BMPR1B: variants seen among roughly 807,000 people sequenced by gnomAD.
BMPR1B encodes bone morphogenetic protein receptor type-1B.
BMPR1B carries 12 observed loss-of-function variants against 59.1 expected under a neutral mutation model. The ratio of observed to expected loss-of-function variants is 0.20; its 90% CI spans 0.13 to 0.33. BMPR1B has a LOEUF of 0.33. Among genes scored for constraint, BMPR1B ranks in the 10% least tolerant of loss-of-function variants. The pLI is 1.00. For missense variants in BMPR1B, 550 were observed against 610.9 expected (o/e 0.90, Z 1.05); for synonymous variants, 237 against 207.3 (o/e 1.14, Z -1.23).
intron 3 of BMPR1B, among the ~76,000 whole-genome samples, chr4:95,026,073 T>G (rs1724333876): frequency 7.0e-6 from 1 of 143,738 alleles, no homozygotes; most frequent in South Asian, 2.3e-4. Flanking sequence ...ACCACCATGC[T>G]TGGCTGGCTG....
intron 5 of BMPR1B, among the ~76,000 whole-genome samples, chr4:95,115,182 G>T (rs571827098): frequency 1.3e-5 from 2 of 152,044 alleles, no homozygotes; most frequent in Non-Finnish European, 2.9e-5. Context: ...CTAGGTTTGT[G>T]CAAGTGTACT....
chr4:94,955,623 T>G (rs540664769), intron 2 of BMPR1B, among the ~76,000 whole-genome samples: 1 of 134,568 alleles, frequency 7.4e-6, no homozygotes, highest in Admixed American at 7.5e-5. Flanking sequence ...TTACACGTAT[T>G]AGCACATTTA....
intron 2 of BMPR1B, among the ~76,000 whole-genome samples, chr4:94,893,122 T>A (rs941151674): frequency 1.4e-4 from 21 of 152,012 alleles, no homozygotes; most frequent in Admixed American, 1.4e-3. Context: ...GAAAATATAA[T>A]GTGAAATATG....
chr4:94,895,210 C>T (rs1160198767), intron 2 of BMPR1B, among the ~76,000 whole-genome samples: 2 of 151,900 alleles, frequency 1.3e-5, no homozygotes, highest in African/African-American at 4.8e-5. Context: ...AAAAATGTCC[C>T]TCATTGCTTG....
chr4:94,973,596 G>A (rs1357307489), intron 2 of BMPR1B, among the ~76,000 whole-genome samples: 3 of 152,142 alleles, frequency 2.0e-5, no homozygotes, highest in Non-Finnish European at 4.4e-5. Flanking sequence ...ACACAGGATA[G>A]GGCAGGGTGG....
chr4:94,875,975 T>C (rs1337474628), intron 2 of BMPR1B, 75 bp downstream of exon 2: 1 of 152,656 alleles, frequency 6.6e-6, no homozygotes, highest in African/African-American at 2.4e-5. Flanking sequence ...ACTCCGACTT[T>C]GTGGTATGCT....
chr4:94,953,455 G>C (rs1268206079), intron 2 of BMPR1B, among the ~76,000 whole-genome samples: 1 of 152,126 alleles, frequency 6.6e-6, no homozygotes. Context: ...AGGCAGGCCT[G>C]GTAGTGACAA....
At chr4:94,813,061 A>T (rs1424080895) in intron 1 of BMPR1B, among the ~76,000 whole-genome samples, 1 of 151,768 alleles carries the variant, frequency 6.6e-6, no homozygotes, top group Non-Finnish European at 1.5e-5. Flanking sequence ...TTATTAACCA[A>T]TTGGTTTATT....
chr4:94,918,769 T>A (rs532740418), intron 2 of BMPR1B, among the ~76,000 whole-genome samples: 19 of 152,292 alleles, frequency 1.2e-4, no homozygotes, highest in Non-Finnish European at 2.5e-4. Flanking sequence ...GTTAGTTAAT[T>A]CTCTTTAGTG....
chr4:94,997,311 T>C (rs986391273), intron 3 of BMPR1B, among the ~76,000 whole-genome samples: 19 of 152,106 alleles, frequency 1.2e-4, no homozygotes, highest in Non-Finnish European at 2.2e-4. Context: ...CCATTAGAGA[T>C]ATGAGGAAAA....
Position 95,091,561 on chromosome 4 carries a change from GCCT to G in BMPR1B, c.-17-12839_-17-12837del, listed in dbSNP as rs773190480. The stretch of plus-strand genomic sequence containing the variant: ...TAGTGGAAACCCCTAGCAATTCTGT[GCCT>G]CCTCCTCATGTCTCTCATCCTAGGG... On this transcript the variant is annotated intron_variant, in intron 3 of 12. Coordinates refer to ENST00000515059, the MANE Select transcript of BMPR1B (RefSeq NM_001203.3). 6 of 985,056 alleles carry G rather than the reference GCCT, an allele frequency of 6.1e-6. No individual in the cohort carries two copies. The South Asian group carries it at 1.9e-4, about 31-fold the overall frequency. The allele number at this position is 985,056 out of a possible 1,614,324, so 61.0% of individuals were successfully genotyped here.
chr4:94,952,721 A>G (rs1192255948), intron 2 of BMPR1B, among the ~76,000 whole-genome samples: 1 of 152,130 alleles, frequency 6.6e-6, no homozygotes, highest in Non-Finnish European at 1.5e-5. Flanking sequence ...TGGTGCTGAG[A>G]AGGGTGTATA....
intron 2 of BMPR1B, among the ~76,000 whole-genome samples, chr4:94,883,091 G>A (rs1385389916): frequency 1.3e-5 from 2 of 152,032 alleles, no homozygotes; most frequent in Admixed American, 6.5e-5. Flanking sequence ...CTTTGCAGGT[G>A]TCATCCCAGA....
rs1278410628 is a variant in BMPR1B, at chr4:95,157,065, A to G, written c.*2392A>G. ...CAGAATATTTTGTGAGGAGGTGATG[A>G]TTTGAAATTAAGCTAGATTTCTAGG... On this transcript the variant is annotated 3_prime_UTR_variant, in exon 13 of 13. Coordinates refer to ENST00000515059, the MANE Select transcript of BMPR1B (RefSeq NM_001203.3). 1 of 152,172 alleles carries G rather than the reference A, an allele frequency of 6.6e-6. No individual in the cohort carries two copies. Among genetic ancestry groups the G allele is most frequent in the Non-Finnish European group, 1.5e-5 (1 of 67,998 alleles). 9.4% of individuals were successfully genotyped at this position (152,172 alleles called of 1,614,324 possible). A position where few individuals can be genotyped will look rare whatever the true frequency, so the allele number is the denominator to read the frequency against.
At chr4:95,068,330 T>C (rs1728008702) in intron 3 of BMPR1B, among the ~76,000 whole-genome samples, 1 of 152,206 alleles carries the variant, frequency 6.6e-6, no homozygotes, top group African/African-American at 2.4e-5. Context: ...ATAATAGACA[T>C]GGCTCACTGG....
At chr4:94,935,507 TTAAAG>T (rs1427809470) in intron 2 of BMPR1B, among the ~76,000 whole-genome samples, 4 of 152,122 alleles carry the variant, frequency 2.6e-5, no homozygotes, top group Non-Finnish European at 4.4e-5. Flanking sequence ...GAAGTCACAC[TTAAAG>T]TAAACACACA....
intron 3 of BMPR1B, among the ~76,000 whole-genome samples, chr4:95,062,810 T>C (rs1727499957): frequency 6.6e-6 from 1 of 152,194 alleles, no homozygotes; most frequent in Admixed American, 6.5e-5. Context: ...GTGAACCTTC[T>C]TTAGCAGGTA....
chr4:94,903,276 A>T (rs555605885), intron 2 of BMPR1B, among the ~76,000 whole-genome samples: 2 of 151,874 alleles, frequency 1.3e-5, no homozygotes, highest in East Asian at 3.9e-4. Context: ...CCCCTTTTTT[A>T]TCCCCGAGTC....
chr4:94,892,988 T>C (rs1165667503), intron 2 of BMPR1B, among the ~76,000 whole-genome samples: 1 of 152,060 alleles, frequency 6.6e-6, no homozygotes, highest in African/African-American at 2.4e-5. Flanking sequence ...AGGGTTTTCA[T>C]GAAGATTGCA....
Sources: gnomAD v4.1 joint callset for allele counts (sites outside exome capture counted in the v4.1 genomes callset) on GRCh38, gnomAD v4.1.1 for gene constraint, MANE v1.5 for transcripts, NCBI Gene and HGNC (gene_info 2026-07-23, HGNC 2026-07-21) for gene names.